Variants in DMD observed in about 807,000 individuals in gnomAD.
DMD encodes the protein mutant dystrophin.
In DMD, 63 loss-of-function variants were observed where a neutral mutation model predicts 330.1. That is an observed-to-expected ratio of 0.19 (90% CI 0.16 to 0.24). DMD has a LOEUF of 0.24. Ranked by LOEUF, DMD falls within the 10% of genes least tolerant of loss-of-function variation. The pLI is 1.00. For synonymous variants in DMD, 1,223 were observed against 959.8 expected, an observed-to-expected ratio of 1.27 and a Z score of -5.07; for missense variants, 3,344 against 2,684.1, an observed-to-expected ratio of 1.25 and a Z score of -5.43.
chrX:33,109,718 G>T (rs1319214463), intron 1 of DMD, among the ~76,000 whole-genome samples: 3 of 111,309 alleles, frequency 2.7e-5, no homozygotes, highest in African/African-American at 9.8e-5. Flanking sequence ...AAGATTTACG[G>T]TTTTTTTTCC....
At chrX:32,710,019 G>A (rs915080461) in intron 7 of DMD, among the ~76,000 whole-genome samples, 6 of 111,199 alleles carry the variant, frequency 5.4e-5, no homozygotes, top group Admixed American at 9.6e-5. Context: ...TGAAAATTGA[G>A]CACTGCTTGA....
intron 53 of DMD, among the ~76,000 whole-genome samples, chrX:31,674,272 C>T (rs1008683106): frequency 8.9e-6 from 1 of 112,039 alleles, no homozygotes; most frequent in African/African-American, 3.2e-5. Flanking sequence ...AAAATGTCTC[C>T]CTTTTTAGTA....
chrX:32,513,183 A>G (rs1049949360), intron 18 of DMD, among the ~76,000 whole-genome samples: 1 of 108,162 alleles, frequency 9.2e-6, no homozygotes, highest in African/African-American at 3.6e-5. Context: ...TCAACCAGAG[A>G]ACATCAGACT....
chrX:32,592,019 T>C (rs1316081524), intron 13 of DMD, among the ~76,000 whole-genome samples: 1 of 112,206 alleles, frequency 8.9e-6, no homozygotes, highest in East Asian at 2.8e-4. Flanking sequence ...CTTTGGGCAC[T>C]GATGAGCATG....
chrX:31,215,942 G>A (rs1052284707), intron 64 of DMD, among the ~76,000 whole-genome samples: 8 of 112,200 alleles, frequency 7.1e-5, no homozygotes, highest in Admixed American at 2.8e-4. Context: ...CCTTTTAGGA[G>A]TGACTACTAT....
intron 44 of DMD, among the ~76,000 whole-genome samples, chrX:31,978,694 G>A (rs1360228490): frequency 3.6e-5 from 4 of 111,422 alleles, no homozygotes; most frequent in African/African-American, 6.5e-5. Flanking sequence ...TCACAGTGAC[G>A]TCCTGGTCAT....
chrX:32,480,624 A>G (rs753751219), intron 21 of DMD, among the ~76,000 whole-genome samples: 1 of 106,045 alleles, frequency 9.4e-6, no homozygotes, highest in African/African-American at 3.9e-5. Flanking sequence ...CAGTATGTGT[A>G]TATATGTACA....
intron 44 of DMD, among the ~76,000 whole-genome samples, chrX:32,185,998 A>G (rs1200962021): frequency 2.7e-5 from 3 of 111,029 alleles, no homozygotes; most frequent in South Asian, 7.6e-4. Flanking sequence ...CAGGATACCA[A>G]TGAAAATCTA....
chrX:32,209,204 G>C (rs1301407737), intron 44 of DMD, among the ~76,000 whole-genome samples: 1 of 111,619 alleles, frequency 9.0e-6, no homozygotes, highest in Non-Finnish European at 1.9e-5. Context: ...AAGTTAAGCA[G>C]ATCTCCCAGA....
intron 50 of DMD, among the ~76,000 whole-genome samples, chrX:31,813,390 G>A (rs887507945): frequency 9.0e-5 from 10 of 111,643 alleles, no homozygotes; most frequent in Admixed American, 3.8e-4. Context: ...CATGTGGGAG[G>A]TAACTGAATC....
At chrX:31,739,476 T>G (rs1420186079) in intron 51 of DMD, among the ~76,000 whole-genome samples, 1 of 111,586 alleles carries the variant, frequency 9.0e-6, no homozygotes, top group Non-Finnish European at 1.9e-5. Flanking sequence ...TAGTAATGTT[T>G]CAATTTGTTG....
At chrX:31,589,098 TAAAAAA>T (rs58975023) in intron 55 of DMD, among the ~76,000 whole-genome samples, 1 of 100,629 alleles carries the variant, frequency 9.9e-6, no homozygotes, top group African/African-American at 3.6e-5. Flanking sequence ...GTCATGCAAG[TAAAAAA>T]AAAAAAAATC....
intron 7 of DMD, among the ~76,000 whole-genome samples, chrX:32,732,655 G>A (rs747496153): frequency 9.0e-6 from 1 of 110,568 alleles, no homozygotes; most frequent in East Asian, 2.8e-4. Context: ...TCACATCCAG[G>A]CAAACTAAGC....
rs34502564 is a variant in DMD at position 32,107,338 on chromosome X, A to ATGTGTGTG, written c.6438+109570_6438+109577dup. Among the ~76,000 whole-genome samples, 28 of 89,135 alleles carry ATGTGTGTG rather than the reference A, an allele frequency of 3.1e-4. No individual in the cohort carries two copies. The East Asian group carries it at 5.1e-3, about 16-fold the overall frequency. 77.4% of individuals were successfully genotyped at this position (89,135 alleles called of 115,157 possible). ...TGTATACACACACATATATAATTAT[A>ATGTGTGTG]TGTGTGTGTGTGTGTGTGTGTGTGT... On this transcript the variant is annotated intron_variant, in intron 44 of 78. Transcript: ENST00000357033.
At chrX:33,022,783 A>T (rs766369507) in intron 1 of DMD, among the ~76,000 whole-genome samples, 93 of 111,552 alleles carry the variant, frequency 8.3e-4, no homozygotes, top group Non-Finnish European at 1.3e-3. Flanking sequence ...CATTTACATT[A>T]TAATTGCATA....
intron 1 of DMD, among the ~76,000 whole-genome samples, chrX:33,051,212 CTTTT>C (rs60096455): frequency 2.2e-5 from 2 of 90,098 alleles, no homozygotes; most frequent in Admixed American, 1.3e-4. Flanking sequence ...ACTGACTTTT[CTTTT>C]TTTTTTTTTT....
rs775362119 is a variant in DMD at position 31,243,081 on chromosome X, A to C, written c.9286+17874T>G. ...TTTTGTGCATTCTATTACCCAGAGA[A>C]AGGTTTTGAACATTCTAAGTACTCC... is the stretch of plus-strand genomic sequence containing the variant. On this transcript the variant is annotated intron_variant, in intron 63 of 78. Coordinates refer to ENST00000357033, the MANE Select transcript of DMD (RefSeq NM_004006.3). Among the ~76,000 whole-genome samples the C allele has an allele frequency of 4.5e-5, 5 of 111,670 alleles. No homozygotes were observed. In the East Asian group the frequency reaches 1.4e-3, roughly 31 times the overall value.
intron 61 of DMD, among the ~76,000 whole-genome samples, chrX:31,343,977 A>ATT (rs199499654): frequency 9.6e-5 from 8 of 83,655 alleles, no homozygotes; most frequent in African/African-American, 3.4e-4. Context: ...AAATATGGTG[A>ATT]TTTTTTTTTT....
At chrX:33,075,627 T>C (rs1367286446) in intron 1 of DMD, among the ~76,000 whole-genome samples, 1 of 112,527 alleles carries the variant, frequency 8.9e-6, no homozygotes, top group Admixed American at 9.4e-5. Context: ...AATGAATTAA[T>C]ACCGTATTGG....
Sources: allele counts gnomAD v4.1 joint callset (sites outside exome capture counted in the v4.1 genomes callset), GRCh38; gene constraint gnomAD v4.1.1; transcripts MANE v1.5; gene names NCBI Gene and HGNC (gene_info 2026-07-23, HGNC 2026-07-21).